Variants in CRY2 observed in about 807,000 individuals in gnomAD.
CRY2 encodes the protein cryptochrome circadian regulator 2.
CRY2 carries 31 observed loss-of-function variants against 69.5 expected under a neutral mutation model. The ratio of observed to expected loss-of-function variants is 0.45; its 90% CI spans 0.34 to 0.60. CRY2 has a LOEUF of 0.60. Among genes scored for constraint, CRY2 ranks in the 20% least tolerant of loss-of-function variants. The probability of loss-of-function intolerance (pLI) is 0.02; values close to 1 mark genes in which losing one functional copy is unlikely to be tolerated. For missense variants in CRY2, 606 were observed against 797.8 expected (o/e 0.76, Z 2.90); for synonymous variants, 303 against 312.2 (o/e 0.97, Z 0.31).
intron 5 of CRY2, among the ~76,000 whole-genome samples, chr11:45,863,406 C>T (rs977382659): frequency 1.3e-5 from 2 of 151,982 alleles, no homozygotes; most frequent in Admixed American, 6.6e-5. Flanking sequence ...TTTCCACATA[C>T]CCCCAGAGAG....
chr11:45,860,707 T>C (rs72902437), intron 3 of CRY2, 141 bp from the exon 4 acceptor site: 23,478 of 874,956 alleles, frequency 0.027, 390 homozygotes, highest in Non-Finnish European at 0.033. Flanking sequence ...TGCCCCCTCC[T>C]TTCCACTCAG....
At chr11:45,852,500 G>A (rs1028997757) in intron 1 of CRY2, among the ~76,000 whole-genome samples, 4 of 152,204 alleles carry the variant, frequency 2.6e-5, no homozygotes, top group Admixed American at 6.5e-5. Flanking sequence ...TACCCTAGTG[G>A]TGGCTTCTCA....
Position 45,866,421 on chromosome 11 carries a change from G to A in CRY2, c.742-1191G>A, listed in dbSNP as rs114716522. Among the ~76,000 whole-genome samples the A allele has an allele frequency of 9.7e-3, 1,476 of 152,282 alleles. 33 individuals carry two copies. The highest frequency in any genetic ancestry group is 0.033 in the African/African-American group (1,353 of 41,556). ...GTGGAGCTGATGAAAGACCAAGAGC[G>A]CCAGGCAGCTGGGAGATACCAGGAG... On this transcript the variant is annotated intron_variant, in intron 5 of 11. Coordinates refer to ENST00000616080, the MANE Select transcript of CRY2 (RefSeq NM_021117.5).
intron 1 of CRY2, among the ~76,000 whole-genome samples, chr11:45,854,843 A>G (rs1436687718): frequency 6.6e-6 from 1 of 152,214 alleles, no homozygotes; most frequent in Non-Finnish European, 1.5e-5. Flanking sequence ...CCTCATCTAT[A>G]AAATAAGGAT....
chr11:45,851,214 C>T (rs1365072710), intron 1 of CRY2, among the ~76,000 whole-genome samples: 2 of 152,160 alleles, frequency 1.3e-5, no homozygotes, highest in African/African-American at 2.4e-5. Flanking sequence ...TCTCTCCCCA[C>T]TGCAACTTGG....
At chr11:45,870,585 C>T (rs1219137171) in intron 9 of CRY2, 53 bp downstream of exon 9, 1 of 1,592,200 alleles carries the variant, frequency 6.3e-7, no homozygotes, top group African/African-American at 1.3e-5. Context: ...CCTACAGGCT[C>T]AGGGGGCCAG....
At chr11:45,869,962 AG>A in intron 7 of CRY2, 90 bp from the exon 8 acceptor site, 5 of 1,515,782 alleles carry the variant, frequency 3.3e-6, no homozygotes, top group Non-Finnish European at 4.4e-6. Context: ...CTTCAATGGA[AG>A]GGTTTTGGCT....
chr11:45,861,086 A>G, intron 4 of CRY2, 54 bp downstream of exon 4: 1 of 1,532,138 alleles, frequency 6.5e-7, no homozygotes, highest in Non-Finnish European at 8.8e-7. Context: ...TTGTGTAAAG[A>G]AATTCTTTGT....
chr11:45,867,641 A>C lies in CRY2; in HGVS notation c.771A>C (p.Arg257=). ...GGGTTGCCAACTATGAGAGACCCCG[A>C]ATGAACGCCAACTCCCTCCTGGCCA... The part of the protein sequence containing the change: ...KAWVANYERP[R]MNANSLLASP... Residue 257 remains arginine (R), a synonymous_variant, in exon 6 of 12, where the codon CGA becomes CGC. Transcript: ENST00000616080. 1.9e-6 allele frequency: 3 copies of C among 1,614,170 alleles called. No homozygotes were observed. The highest frequency in any genetic ancestry group is 2.5e-6 in the Non-Finnish European group (3 of 1,180,042).
chr11:45,867,972 C>T, intron 6 of CRY2: 2 of 581,940 alleles, frequency 3.4e-6, no homozygotes, highest in Non-Finnish European at 5.9e-6. Context: ...GAAGCCCAGA[C>T]CATCATGTAG....
rs575211517 is a variant in CRY2, at chr11:45,881,015, G to A, written c.*104G>A. 2 of 152,592 alleles carry A rather than the reference G, an allele frequency of 1.3e-5. No individual in the cohort carries two copies. Among genetic ancestry groups the A allele is most frequent in the Middle Eastern group, 3.4e-3 (1 of 294 alleles). 9.5% of individuals were successfully genotyped at this position (152,592 alleles called of 1,614,324 possible). A position where few individuals can be genotyped will look rare whatever the true frequency, so the allele number is the denominator to read the frequency against. The stretch of plus-strand genomic sequence containing the variant: ...AAGCTGATCACCGGGCAGAGATAGA[G>A]CGAGCATGTGTGTGTGTGTGCGCGT... On this transcript the variant is annotated 3_prime_UTR_variant, in exon 12 of 12. Transcript: ENST00000616080.
At chr11:45,859,860 A>G (rs2086273040) in intron 3 of CRY2, among the ~76,000 whole-genome samples, 1 of 152,148 alleles carries the variant, frequency 6.6e-6, no homozygotes, top group Non-Finnish European at 1.5e-5. Context: ...CTGGCTGCCA[A>G]GAAGCCAGGT....
intron 4 of CRY2, chr11:45,861,345 C>G (rs961642135): frequency 7.7e-6 from 2 of 260,872 alleles, no homozygotes; most frequent in Non-Finnish European, 1.5e-5. Context: ...ATGGGCTTCT[C>G]AGTAACAAGA....
intron 3 of CRY2, among the ~76,000 whole-genome samples, chr11:45,859,380 G>C (rs1196794777): frequency 5.9e-5 from 9 of 151,978 alleles, no homozygotes; most frequent in Admixed American, 5.2e-4. Flanking sequence ...GGGCAACATA[G>C]TGAGACCCCC....
In CRY2 at chr11:45,870,469, A is replaced by C; in HGVS notation, c.1486A>C (p.Ser496Arg). ...PRPIVNHAET[S>R]RLNIERMKQI... ...GCCCATCGTCAACCATGCCGAGACCAGCCGGCTTAACATTGAACGAATGAA... is the reference window on the plus strand; with the variant it reads ...GCCCATCGTCAACCATGCCGAGACCCGCCGGCTTAACATTGAACGAATGAA... Residue 496 changes from serine to arginine, a missense_variant, in exon 9 of 12, where the codon AGC (serine) becomes CGC (arginine). Physicochemically the swap from Ser to Arg is moderately radical, Grantham distance 110. Around this residue, in one of 5 missense-constraint regions of CRY2, gnomAD observed 173 missense variants for 213.7 expected, o/e 0.81. Coordinates refer to ENST00000616080, the MANE Select transcript of CRY2 (RefSeq NM_021117.5). The C allele has an allele frequency of 6.2e-7, 1 of 1,614,238 alleles. No homozygotes were observed. Among genetic ancestry groups the C allele is most frequent in the Non-Finnish European group, 8.5e-7 (1 of 1,180,040 alleles).
intron 11 of CRY2, among the ~76,000 whole-genome samples, chr11:45,879,046 A>G (rs567075435): frequency 3.3e-5 from 5 of 151,692 alleles, no homozygotes; most frequent in Non-Finnish European, 7.4e-5. Flanking sequence ...CCTGACCAAC[A>G]TGGAGAAACC....
Position 45,882,794 on chromosome 11 carries a change from A to G in CRY2, c.*1883A>G. 3 of 398,594 alleles carry G rather than the reference A, an allele frequency of 7.5e-6. No individual in the cohort carries two copies. The highest frequency in any genetic ancestry group is 1.3e-5 in the Non-Finnish European group (3 of 226,060). The allele number at this position is 398,594 out of a possible 1,614,324, so 24.7% of individuals were successfully genotyped here. A position where few individuals can be genotyped will look rare whatever the true frequency, so the allele number is the denominator to read the frequency against. On this transcript the variant is annotated 3_prime_UTR_variant, in exon 12 of 12. Transcript: ENST00000616080. The stretch of plus-strand genomic sequence containing the variant: ...GGGAAGGCCAAAGGCCGAGGCCCAG[A>G]TTTAGTATTCACTAGCAGCGCCTTC...
intron 1 of CRY2, among the ~76,000 whole-genome samples, chr11:45,850,061 A>G (rs1451976541): frequency 6.6e-6 from 1 of 150,916 alleles, no homozygotes; most frequent in Non-Finnish European, 1.5e-5. Flanking sequence ...CCAAGCTGAA[A>G]TGCAGTGGCA....
In CRY2 at chr11:45,882,364, C is replaced by T. The variant is rs2086481974; in HGVS notation, c.*1453C>T. ...TCCTCACGTGTATCATTAAGCTGGC[C>T]TTTGGGCCTTTTCCTTTCTACCTCC... On this transcript the variant is annotated 3_prime_UTR_variant, in exon 12 of 12. Coordinates refer to ENST00000616080, the MANE Select transcript of CRY2 (RefSeq NM_021117.5). 2.8e-6 allele frequency: 1 copy of T among 355,292 alleles called. No individual in the cohort carries two copies. The highest frequency in any genetic ancestry group is 4.8e-5 in the Admixed American group (1 of 20,864). 22.0% of individuals were successfully genotyped at this position (355,292 alleles called of 1,614,324 possible).
Sources: allele counts gnomAD v4.1 joint callset (sites outside exome capture counted in the v4.1 genomes callset), GRCh38; gene constraint gnomAD v4.1.1; regional missense constraint gnomAD v4.1.1; transcripts MANE v1.5; gene names NCBI Gene and HGNC (gene_info 2026-07-23, HGNC 2026-07-21).